Variants in UBE2F observed in about 807,000 individuals in gnomAD.
The protein encoded by UBE2F is ubiquitin conjugating enzyme E2 F (putative), also known as NEDD8-conjugating enzyme UBE2F.
In UBE2F, 5 loss-of-function variants were observed where a neutral mutation model predicts 29.6. The ratio of observed to expected loss-of-function variants is 0.17; its 90% CI spans 0.09 to 0.36. The LOEUF (loss-of-function observed/expected upper bound fraction) is 0.36, where lower values mean the gene tolerates loss of function less well. Ranked by LOEUF, UBE2F falls within the 10% of genes least tolerant of loss-of-function variation. The pLI, the probability that UBE2F is intolerant of heterozygous loss-of-function variation, is 1.00. For synonymous variants in UBE2F, 66 were observed against 81.8 expected (o/e 0.81, Z 1.04); for missense variants, 141 against 228.5 (o/e 0.62, Z 2.47).
At chr2:237,991,208 G>A in intron 3 of UBE2F, among the ~76,000 whole-genome samples, 1 of 152,082 alleles carries the variant, frequency 6.6e-6, no homozygotes, top group East Asian at 1.9e-4. Context: ...AATCGAAGAG[G>A]GGGAAATTAT....
At chr2:238,036,031 C>CA in intron 9 of UBE2F, 91 bp downstream of exon 9, 3 of 1,194,546 alleles carry the variant, frequency 2.5e-6, no homozygotes, top group Non-Finnish European at 3.7e-6. Context: ...GAAATTTATC[C>CA]ACCAAGAGAG....
intron 2 of UBE2F, among the ~76,000 whole-genome samples, chr2:237,976,947 T>A (rs2063292934): frequency 6.6e-6 from 1 of 152,092 alleles, no homozygotes; most frequent in Non-Finnish European, 1.5e-5. Flanking sequence ...GGACAGGCTC[T>A]GTGGGGGCAG....
intron 4 of UBE2F, among the ~76,000 whole-genome samples, chr2:238,006,700 A>G (rs1311148892): frequency 6.6e-5 from 10 of 151,404 alleles, no homozygotes; most frequent in Admixed American, 6.6e-4. Flanking sequence ...GACTTCCAGT[A>G]CAGTCATATA....
intron 1 of UBE2F, among the ~76,000 whole-genome samples, chr2:237,968,106 G>A (rs936216764): frequency 2.0e-5 from 3 of 152,162 alleles, no homozygotes; most frequent in Admixed American, 6.5e-5. Flanking sequence ...AATGAACAGG[G>A]TGTTGTGAAG....
intron 2 of UBE2F, among the ~76,000 whole-genome samples, chr2:237,981,284 T>A (rs948355901): frequency 6.6e-6 from 1 of 152,196 alleles, no homozygotes; most frequent in Non-Finnish European, 1.5e-5. Context: ...ACTGTTGATG[T>A]TAGTGAATTC....
intron 4 of UBE2F, among the ~76,000 whole-genome samples, chr2:238,006,643 A>G (rs971503350): frequency 1.3e-5 from 2 of 152,048 alleles, no homozygotes; most frequent in Non-Finnish European, 2.9e-5. Flanking sequence ...TCTCCCTTTC[A>G]GTCTGTATCC....
At chr2:237,981,557 A>T (rs2063375437) in intron 2 of UBE2F, among the ~76,000 whole-genome samples, 1 of 142,720 alleles carries the variant, frequency 7.0e-6, no homozygotes, top group African/African-American at 2.6e-5. Context: ...TCCTTCCGTG[A>T]GTGAATTGCA....
At chr2:237,973,857 A>C (rs997167944) in intron 2 of UBE2F, 1 of 370,374 alleles carries the variant, frequency 2.7e-6, no homozygotes, top group African/African-American at 2.2e-5. Flanking sequence ...GCATTTATTC[A>C]TTTAGCAAAC....
At chr2:237,973,642 T>C in intron 2 of UBE2F, 1 of 1,299,024 alleles carries the variant, frequency 7.7e-7, no homozygotes, top group Non-Finnish European at 1.0e-6. Context: ...TTTCCTGTTT[T>C]ATTCAGGTCA....
At chr2:238,036,377 G>A (rs939951178) in intron 9 of UBE2F, among the ~76,000 whole-genome samples, 2 of 151,924 alleles carry the variant, frequency 1.3e-5, no homozygotes, top group Non-Finnish European at 2.9e-5. Flanking sequence ...ATGGAGTCTC[G>A]CTTTGTTGCC....
At chr2:237,968,292 G>C (rs1048358966) in intron 1 of UBE2F, among the ~76,000 whole-genome samples, 1 of 152,160 alleles carries the variant, frequency 6.6e-6, no homozygotes, top group Non-Finnish European at 1.5e-5. Context: ...CTTTCAGGTA[G>C]TAGGCAGTGC....
At chr2:238,022,113 T>G (rs2064307965) in intron 5 of UBE2F, among the ~76,000 whole-genome samples, 1 of 152,232 alleles carries the variant, frequency 6.6e-6, no homozygotes, top group Non-Finnish European at 1.5e-5. Flanking sequence ...GTTGCCATTT[T>G]GGGAGGAAAT....
At chr2:238,029,158 C>G (rs1259741671) in intron 6 of UBE2F, 2 of 152,104 alleles carry the variant, frequency 1.3e-5, no homozygotes, top group East Asian at 3.8e-4. Flanking sequence ...AGAAACAGGG[C>G]TTCATCAGAC....
chr2:237,974,659 G>A lies in UBE2F; in HGVS notation c.118+1434G>A, dbSNP rs185079996. On this transcript the variant is annotated intron_variant, in intron 2 of 9. Coordinates refer to ENST00000272930, the MANE Select transcript of UBE2F (RefSeq NM_080678.3). ...CTCCATAGTAGCTGGGATTACAGGC[G>A]CCTGCCACCACGCCCAGCTAATTTT... 6.8e-4 allele frequency among the ~76,000 whole-genome samples: 103 copies of A among 151,518 alleles called. No homozygotes were observed. The East Asian group carries it at 0.018, about 26-fold the overall frequency.
chr2:238,017,306 GA>G (rs1184027142), intron 5 of UBE2F, among the ~76,000 whole-genome samples: 3 of 152,180 alleles, frequency 2.0e-5, no homozygotes, highest in Non-Finnish European at 2.9e-5. Flanking sequence ...CTTTTAGGGG[GA>G]AATCTAACTG....
At chr2:238,003,308 A>G (rs897805923) in intron 4 of UBE2F, 1 of 469,068 alleles carries the variant, frequency 2.1e-6, no homozygotes, top group Admixed American at 2.4e-5. Context: ...TTATCTGCCA[A>G]AGCATTCTCT....
chr2:238,010,467 G>A (rs916158138), intron 4 of UBE2F, among the ~76,000 whole-genome samples: 1 of 152,144 alleles, frequency 6.6e-6, no homozygotes, highest in Non-Finnish European at 1.5e-5. Flanking sequence ...CACCGTGCCC[G>A]GCCCAGAGCT....
chr2:237,996,822 G>T (rs1201222601), intron 4 of UBE2F, among the ~76,000 whole-genome samples: 1 of 152,132 alleles, frequency 6.6e-6, no homozygotes, highest in Non-Finnish European at 1.5e-5. Flanking sequence ...CTTTAATGTT[G>T]TGATTATTGT....
chr2:238,030,673 G>A (rs908396012), intron 7 of UBE2F, 60 bp downstream of exon 7: 1 of 1,315,608 alleles, frequency 7.6e-7, no homozygotes, highest in African/African-American at 1.5e-5. Context: ...CCCTGCAGTA[G>A]CCAGCCTCCC....
Sources: gnomAD v4.1 joint callset for allele counts (sites outside exome capture counted in the v4.1 genomes callset) on GRCh38, gnomAD v4.1.1 for gene constraint, MANE v1.5 for transcripts, NCBI Gene and HGNC (gene_info 2026-07-23, HGNC 2026-07-21) for gene names.